The following ELSPBP1 variants were observed in gnomAD, a reference collection of about 807,000 sequenced individuals.
ELSPBP1 encodes epididymal sperm-binding protein 1.
ELSPBP1 carries 38 observed loss-of-function variants against 33.3 expected under a neutral mutation model. The ratio of observed to expected loss-of-function variants is 1.14; its 90% CI spans 0.88 to 1.50. The LOEUF (loss-of-function observed/expected upper bound fraction) is 1.50, where lower values mean the gene tolerates loss of function less well. Ranked by LOEUF, ELSPBP1 falls within the 40% of genes most tolerant of loss-of-function variation. The pLI is 0.00. For missense variants in ELSPBP1, 267 were observed against 263.5 expected (o/e 1.01, Z -0.09); for synonymous variants, 85 against 94.1 (o/e 0.90, Z 0.56).
chr19:48,007,840 G>C (rs1967037592), intron 1 of ELSPBP1, among the ~76,000 whole-genome samples: 1 of 152,134 alleles, frequency 6.6e-6, no homozygotes, highest in South Asian at 2.1e-4. Flanking sequence ...GTTAGTTTCT[G>C]CATCTATAAA....
chr19:48,010,386 G>A (rs76694168), intron 2 of ELSPBP1, among the ~76,000 whole-genome samples: 3,588 of 152,198 alleles, frequency 0.024, 62 homozygotes, highest in African/African-American at 0.046. Context: ...CCCTTTGCGT[G>A]TATTTACAGA....
intron 1 of ELSPBP1, among the ~76,000 whole-genome samples, chr19:48,001,550 C>T (rs1427617067): frequency 1.3e-5 from 2 of 151,874 alleles, no homozygotes; most frequent in Non-Finnish European, 2.9e-5. Context: ...ATGACATCTG[C>T]AAAGTCTTCC....
rs376701781 is a variant in ELSPBP1 at position 48,010,752 on chromosome 19, G to A, written c.70+2015G>A. Among the ~76,000 whole-genome samples the A allele has an allele frequency of 1.7e-4, 26 of 152,286 alleles. No homozygotes were observed. The East Asian group carries it at 4.2e-3, about 25-fold the overall frequency. ...GAACATGGAATAAGGTCAAGGGAAT[G>A]TTAATCAGGGAGTGAGAACAGGCAG... On this transcript the variant is annotated intron_variant, in intron 2 of 6. Transcript: ENST00000339841.
intron 1 of ELSPBP1, among the ~76,000 whole-genome samples, chr19:48,004,273 C>T (rs968334769): frequency 3.9e-5 from 6 of 151,924 alleles, no homozygotes; most frequent in Non-Finnish European, 7.4e-5. Context: ...CTGAGGGAGG[C>T]TCTACAGGGT....
At chr19:48,007,124 G>A (rs752130886) in intron 1 of ELSPBP1, among the ~76,000 whole-genome samples, 7 of 152,112 alleles carry the variant, frequency 4.6e-5, no homozygotes, top group Non-Finnish European at 8.8e-5. Flanking sequence ...ATTCATAAAT[G>A]CCACTAACGA....
chr19:47,997,187 G>C (rs922474559), intron 1 of ELSPBP1, among the ~76,000 whole-genome samples: 3 of 152,140 alleles, frequency 2.0e-5, no homozygotes, highest in African/African-American at 7.2e-5. Flanking sequence ...CTCTATAGAT[G>C]TTCAATAAAT....
chr19:47,999,545 C>T (rs1295463154), intron 1 of ELSPBP1, among the ~76,000 whole-genome samples: 9 of 151,920 alleles, frequency 5.9e-5, no homozygotes, highest in Admixed American at 3.9e-4. Flanking sequence ...TGTGTCACCA[C>T]GCCTGGCTAA....
chr19:48,004,446 T>C (rs1157899316), intron 1 of ELSPBP1, among the ~76,000 whole-genome samples: 1 of 152,208 alleles, frequency 6.6e-6, no homozygotes, highest in Non-Finnish European at 1.5e-5. Flanking sequence ...CATGAGCCAC[T>C]GTGCCCAGCC....
intron 6 of ELSPBP1, among the ~76,000 whole-genome samples, chr19:48,022,761 G>T (rs1967215884): frequency 6.6e-6 from 1 of 151,950 alleles, no homozygotes; most frequent in Admixed American, 6.6e-5. Flanking sequence ...CCAGAAAAGG[G>T]GATAACTGAC....
Position 48,014,425 on chromosome 19 carries a change from C to G in ELSPBP1, c.208+117C>G, listed in dbSNP as rs555911394. On this transcript the variant is annotated intron_variant, in intron 3 of 6. Coordinates refer to ENST00000339841, the MANE Select transcript of ELSPBP1 (RefSeq NM_022142.5). ...TTGCAGACAAACGGTAATACGTATG[C>G]GTGCGTAGAAAAGGCTCTGGGTTTT... is the stretch of plus-strand genomic sequence containing the variant. 3.6e-6 allele frequency: 4 copies of G among 1,125,984 alleles called. No homozygotes were observed. In the South Asian group the frequency reaches 7.2e-5, roughly 20 times the overall value. The allele number at this position is 1,125,984 out of a possible 1,614,324, so 69.7% of individuals were successfully genotyped here.
intron 5 of ELSPBP1, among the ~76,000 whole-genome samples, chr19:48,021,085 A>T (rs1967194992): frequency 6.6e-6 from 1 of 152,150 alleles, no homozygotes; most frequent in Admixed American, 6.5e-5. Context: ...GTCATCTTTC[A>T]TGAGGACATC....
At chr19:48,022,389 C>G (rs1967211438) in intron 6 of ELSPBP1, 55 bp downstream of exon 6, 1 of 1,480,950 alleles carries the variant, frequency 6.8e-7, no homozygotes, top group African/African-American at 1.4e-5. Context: ...GAGACAGGTG[C>G]ACAACTGGTG....
chr19:48,014,384 T>A, intron 3 of ELSPBP1, 76 bp downstream of exon 3: 18 of 1,510,006 alleles, frequency 1.2e-5, no homozygotes, highest in Non-Finnish European at 1.5e-5. Flanking sequence ...TGACTGTCTA[T>A]GACATGATCA....
At chr19:47,999,387 C>CTTTTTTTT (rs397937280) in intron 1 of ELSPBP1, among the ~76,000 whole-genome samples, 1 of 129,968 alleles carries the variant, frequency 7.7e-6, no homozygotes, top group Middle Eastern at 4.4e-3. Context: ...AGCCTCATTT[C>CTTTTTTTT]TTTTTTTTTT....
chr19:47,997,371 TGCATATAC>T (rs1966921513), intron 1 of ELSPBP1, among the ~76,000 whole-genome samples: 2 of 152,178 alleles, frequency 1.3e-5, no homozygotes, highest in Non-Finnish European at 2.9e-5. Context: ...CATATGTGCA[TGCATATAC>T]CTGTATATGT....
chr19:48,014,438 G>C, intron 3 of ELSPBP1, 130 bp downstream of exon 3: 1 of 968,376 alleles, frequency 1.0e-6, no homozygotes, highest in Non-Finnish European at 1.4e-6. Context: ...GCGTAGAAAA[G>C]GCTCTGGGTT....
chr19:48,005,754 A>C (rs1000975333), intron 1 of ELSPBP1, among the ~76,000 whole-genome samples: 4 of 152,176 alleles, frequency 2.6e-5, no homozygotes, highest in Non-Finnish European at 5.9e-5. Flanking sequence ...GAGCTCAATT[A>C]CTCTGAACTG....
At chr19:48,020,621 G>A (rs1482353100) in intron 5 of ELSPBP1, among the ~76,000 whole-genome samples, 1 of 151,990 alleles carries the variant, frequency 6.6e-6, no homozygotes, top group Non-Finnish European at 1.5e-5. Flanking sequence ...GAGGACACTG[G>A]AATTAGTCCT....
intron 4 of ELSPBP1, among the ~76,000 whole-genome samples, chr19:48,016,546 TCCTTCCTTCCTTCCTTCCTTCCTC>T (rs879609210): frequency 0.022 from 3,064 of 141,880 alleles, 65 homozygotes; most frequent in African/African-American, 0.039. Context: ...CTTCCTTCCT[TCCTTCCTTCCTTCCTTCCTTCCTC>T]CCTTCATCTC....
Sources: gnomAD v4.1 joint callset for allele counts (sites outside exome capture counted in the v4.1 genomes callset) on GRCh38, gnomAD v4.1.1 for gene constraint, MANE v1.5 for transcripts, NCBI Gene and HGNC (gene_info 2026-07-23, HGNC 2026-07-21) for gene names.